The following AUTS2 variants were observed in gnomAD, a reference collection of about 807,000 sequenced individuals.
The protein encoded by AUTS2 is autism susceptibility gene 2 protein.
Under a neutral mutation model 112.4 loss-of-function variants are expected in AUTS2, and 17 were observed. That is an observed-to-expected ratio of 0.15 (90% confidence interval 0.10 to 0.23). The LOEUF (loss-of-function observed/expected upper bound fraction) is 0.23. AUTS2 is among the 10% of genes least tolerant of loss of function. AUTS2 has a pLI of 1.00. For synonymous variants in AUTS2, 751 were observed against 702.7 expected (o/e 1.07, Z -1.09); for missense variants, 1,510 against 1,701.6 (o/e 0.89, Z 1.98).
chr7:70,328,000 G>A (rs147066175), intron 4 of AUTS2, among the ~76,000 whole-genome samples: 105 of 152,236 alleles, frequency 6.9e-4, no homozygotes, highest in African/African-American at 2.4e-3. Context: ...GGAACTCCTG[G>A]TCCCAACCAC....
intron 2 of AUTS2, among the ~76,000 whole-genome samples, chr7:70,084,161 G>T (rs1251083156): frequency 1.3e-5 from 2 of 152,058 alleles, no homozygotes; most frequent in African/African-American, 2.4e-5. Context: ...CATATAAATG[G>T]CATTACATAG....
At chr7:69,933,013 T>C (rs1465453417) in intron 2 of AUTS2, among the ~76,000 whole-genome samples, 1 of 152,342 alleles carries the variant, frequency 6.6e-6, no homozygotes, top group Admixed American at 6.5e-5. Context: ...CAAGGATGGA[T>C]TTGGAAATGC....
chr7:70,006,851 G>T (rs1440564051), intron 2 of AUTS2, among the ~76,000 whole-genome samples: 2 of 152,138 alleles, frequency 1.3e-5, no homozygotes, highest in Non-Finnish European at 2.9e-5. Flanking sequence ...CTTCGATTTA[G>T]CTTCTGAGGT....
chr7:69,760,814 C>T (rs576807604), intron 1 of AUTS2, among the ~76,000 whole-genome samples: 12 of 152,162 alleles, frequency 7.9e-5, no homozygotes, highest in East Asian at 7.7e-4. Flanking sequence ...AGCAAGACTC[C>T]GTCTCAAAAA....
chr7:70,729,295 C>G (rs1009861619), intron 6 of AUTS2: 2 of 407,094 alleles, frequency 4.9e-6, no homozygotes, highest in Non-Finnish European at 5.0e-6. Context: ...CTTCCCAGTT[C>G]CTTCCTGGTC....
chr7:70,631,784 G>T lies in AUTS2; in HGVS notation c.691-66785G>T, dbSNP rs1486613345. 6.6e-6 allele frequency among the ~76,000 whole-genome samples: 1 copy of T among 152,170 alleles called. No homozygotes were observed. The highest frequency in any genetic ancestry group is 1.9e-4 in the East Asian group (1 of 5,190). On this transcript the variant is annotated intron_variant, in intron 5 of 18. Coordinates refer to ENST00000342771, the MANE Select transcript of AUTS2 (RefSeq NM_015570.4). The surrounding 1 kb of genome is among the most constrained non-coding windows in gnomAD (Gnocchi z 4.5). The stretch of plus-strand genomic sequence containing the variant: ...AAAATATCCTTGAATCAATACTGCT[G>T]CTTGACAGCATCTCCAGCCCCGCGC...
chr7:70,047,291 C>T (rs1801548799), intron 2 of AUTS2, among the ~76,000 whole-genome samples: 2 of 152,100 alleles, frequency 1.3e-5, no homozygotes, highest in African/African-American at 4.8e-5. Flanking sequence ...TTCACTTAGT[C>T]AAAATTTATT....
chr7:69,913,761 A>T (rs543012751), intron 2 of AUTS2, among the ~76,000 whole-genome samples: 1 of 152,066 alleles, frequency 6.6e-6, no homozygotes, highest in South Asian at 2.1e-4. Context: ...TGAAAATCAG[A>T]CTCCCATCAT....
At chr7:70,423,234 G>C (rs911824796) in intron 4 of AUTS2, among the ~76,000 whole-genome samples, 3 of 152,194 alleles carry the variant, frequency 2.0e-5, no homozygotes, top group Non-Finnish European at 2.9e-5. Flanking sequence ...CATTTTTGCA[G>C]TTACCTCTGG....
intron 4 of AUTS2, among the ~76,000 whole-genome samples, chr7:70,171,808 A>C (rs1310771955): frequency 6.6e-6 from 1 of 152,128 alleles, no homozygotes. Flanking sequence ...ATGTGATTTT[A>C]AGGCTCACTT....
At position 70,763,253 on chromosome 7, in the gene AUTS2, C is replaced by T. The variant is rs778618690; in HGVS notation, c.1126C>T (p.Pro376Ser). ...SPTQLLHQNL[P>S]PVQAHPSAQS... Reference sequence around the variant, plus strand: ...CACCCAGCTGCTCCATCAGAACCTCCCACCTGTGCAGGCCCACCCCTCTGC... The same window carrying T: ...CACCCAGCTGCTCCATCAGAACCTCTCACCTGTGCAGGCCCACCCCTCTGC... Residue 376 changes from proline to serine, a missense_variant, in exon 7 of 19, where the codon CCA becomes TCA. By Grantham distance (74) the Pro-to-Ser change is moderately conservative. This residue lies in a region of AUTS2 where 535 missense variants were observed against 594.3 expected (regional missense o/e 0.90). Transcript: ENST00000342771. 1 of 1,613,986 alleles carries T rather than the reference C, an allele frequency of 6.2e-7. No individual in the cohort carries two copies. The highest frequency in any genetic ancestry group is 1.7e-5 in the Admixed American group (1 of 60,010).
intron 5 of AUTS2, among the ~76,000 whole-genome samples, chr7:70,510,723 A>AT (rs1167157670): frequency 6.6e-6 from 1 of 152,134 alleles, no homozygotes; most frequent in Non-Finnish European, 1.5e-5. Context: ...AAACTCACTA[A>AT]TTTTTTTGTT....
chr7:70,219,763 G>T (rs1343465548), intron 4 of AUTS2, among the ~76,000 whole-genome samples: 7 of 151,888 alleles, frequency 4.6e-5, no homozygotes, highest in Non-Finnish European at 1.0e-4. Context: ...GTAGAGACAG[G>T]GTTTCACCAC....
chr7:69,916,823 A>G (rs1795598773), intron 2 of AUTS2, among the ~76,000 whole-genome samples: 1 of 152,126 alleles, frequency 6.6e-6, no homozygotes, highest in African/African-American at 2.4e-5. Context: ...TGGAGGTGTG[A>G]TGACTAGCTT....
chr7:70,766,905 C>G lies in AUTS2; in HGVS notation c.1689+571C>G, dbSNP rs879300086. Reference sequence around the variant, plus strand: ...GTATTGTGCTCTGTCAGCCAGTGTTCAGGGATCCCCGCAGGGACAGAACGC... The same window carrying G: ...GTATTGTGCTCTGTCAGCCAGTGTTGAGGGATCCCCGCAGGGACAGAACGC... On this transcript the variant is annotated intron_variant, in intron 9 of 18. Transcript: ENST00000342771. This position sits in a 1 kb window ranked among gnomAD's most constrained non-coding sequence, Gnocchi z 4.8. 2.0e-5 allele frequency among the ~76,000 whole-genome samples: 3 copies of G among 152,212 alleles called. No homozygotes were observed. Among genetic ancestry groups the G allele is most frequent in the Non-Finnish European group, 4.4e-5 (3 of 68,048 alleles).
chr7:70,394,308 G>C (rs1436901408), intron 4 of AUTS2, among the ~76,000 whole-genome samples: 1 of 152,130 alleles, frequency 6.6e-6, no homozygotes, highest in Non-Finnish European at 1.5e-5. Flanking sequence ...ACTTTTTGAA[G>C]TAGTCCCCAT....
intron 6 of AUTS2, among the ~76,000 whole-genome samples, chr7:70,738,418 G>GTTTTTTTTTT (rs10683693): frequency 1.4e-5 from 2 of 142,906 alleles, no homozygotes; most frequent in African/African-American, 2.6e-5. Context: ...CAAGTTTTTT[G>GTTTTTTTTTT]TTTTTTTTTT....
intron 2 of AUTS2, among the ~76,000 whole-genome samples, chr7:69,967,818 G>A (rs1046812196): frequency 2.0e-5 from 3 of 152,140 alleles, no homozygotes; most frequent in Admixed American, 6.5e-5. Flanking sequence ...AGTCAATATG[G>A]TTTCTTTTCC....
Position 69,917,035 on chromosome 7 carries a change from A to G in AUTS2, c.522+17537A>G, listed in dbSNP as rs190726674. 5.0e-4 allele frequency among the ~76,000 whole-genome samples: 76 copies of G among 152,180 alleles called. No homozygotes were observed. In the Middle Eastern group the frequency reaches 0.01, roughly 20 times the overall value. Reference sequence around the variant, plus strand: ...ATTTTTTTGTTTTGTTTTGTTTTAGAGAGGATCTCACTCTCTTGCCCAGGC... The same window carrying G: ...ATTTTTTTGTTTTGTTTTGTTTTAGGGAGGATCTCACTCTCTTGCCCAGGC... On this transcript the variant is annotated intron_variant, in intron 2 of 18. Transcript: ENST00000342771.
Sources: allele counts gnomAD v4.1 joint callset (sites outside exome capture counted in the v4.1 genomes callset), GRCh38; gene constraint gnomAD v4.1.1; regional missense constraint gnomAD v4.1.1; non-coding constraint Gnocchi (gnomAD v3.1); transcripts MANE v1.5; gene names NCBI Gene and HGNC (gene_info 2026-07-23, HGNC 2026-07-21).